The following MGA variants were observed in gnomAD, a reference collection of about 807,000 sequenced individuals.
MGA encodes MAX gene-associated protein.
A neutral mutation model predicts 261.1 loss-of-function variants in MGA; 40 were observed. That is an observed-to-expected ratio of 0.15 (90% CI 0.12 to 0.20). MGA has a LOEUF of 0.20. Ranked by LOEUF, MGA falls within the 10% of genes least tolerant of loss-of-function variation. The pLI is 1.00. For synonymous variants in MGA, 1,302 were observed against 1,290.6 expected, an observed-to-expected ratio of 1.01 and a Z score of -0.19; for missense variants, 3,397 against 3,630.5, an observed-to-expected ratio of 0.94 and a Z score of 1.65.
In MGA at chr15:41,723,757, A is replaced by G. The variant is rs143225568; in HGVS notation, c.3431-3423A>G. On this transcript the variant is annotated intron_variant, in intron 9 of 23. Transcript: ENST00000219905. ...TGTTGTTGTCCTTCCAATTTAAAAC[A>G]TGTCATAAACAGAACTGAACTCTAC... is the stretch of plus-strand genomic sequence containing the variant. 3.3e-5 allele frequency among the ~76,000 whole-genome samples: 5 copies of G among 152,268 alleles called. No homozygotes were observed. The East Asian group carries it at 9.6e-4, about 29-fold the overall frequency.
intron 1 of MGA, among the ~76,000 whole-genome samples, chr15:41,629,559 T>C (rs540352032): frequency 3.3e-5 from 5 of 151,932 alleles, no homozygotes; most frequent in African/African-American, 1.2e-4. Flanking sequence ...TGAGACCTTG[T>C]CTCTATAAAG....
intron 15 of MGA, among the ~76,000 whole-genome samples, chr15:41,744,212 A>ATT (rs990321818): frequency 4.1e-4 from 62 of 151,566 alleles, no homozygotes; most frequent in African/African-American, 1.4e-3. Flanking sequence ...ATATATATAT[A>ATT]TATTTTTTTG....
intron 2 of MGA, among the ~76,000 whole-genome samples, chr15:41,693,162 T>A (rs901561012): frequency 2.6e-5 from 4 of 152,060 alleles, no homozygotes; most frequent in South Asian, 2.1e-4. Context: ...TTTTCTTTTT[T>A]TTATTATTAT....
intron 17 of MGA, chr15:41,751,385 ATTG>A (rs2062822987): frequency 6.6e-6 from 1 of 152,152 alleles, no homozygotes; most frequent in Non-Finnish European, 1.5e-5. Context: ...GTTGCGACTA[ATTG>A]ACTGCTGTTG....
In MGA at chr15:41,669,398, T is replaced by C. The variant is rs1318715628; in HGVS notation, c.504T>C (p.Tyr168=). The change falls in exon 2 of 24, where the codon TAT becomes TAC. Residue 168 remains tyrosine, a synonymous_variant. Transcript: ENST00000219905. ...CAGAATCTCCTTCCACAGGTCATTATTGGATGCATCAACCAGTATCTTTCT... is the reference window on the plus strand; with the variant it reads ...CAGAATCTCCTTCCACAGGTCATTACTGGATGCATCAACCAGTATCTTTCT... 2 of 1,613,902 alleles carry C rather than the reference T, an allele frequency of 1.2e-6. No homozygotes were observed. Among genetic ancestry groups the C allele is most frequent in the Non-Finnish European group, 1.7e-6 (2 of 1,179,900 alleles).
At chr15:41,682,080 G>A (rs569876359) in intron 2 of MGA, among the ~76,000 whole-genome samples, 70 of 152,130 alleles carry the variant, frequency 4.6e-4, no homozygotes, top group Middle Eastern at 3.4e-3. Flanking sequence ...ACCATGCCCG[G>A]CTAATTTTGT....
At chr15:41,663,026 GA>G (rs1267266707) in intron 1 of MGA, among the ~76,000 whole-genome samples, 8 of 152,164 alleles carry the variant, frequency 5.3e-5, no homozygotes, top group African/African-American at 1.9e-4. Context: ...ATTGAATTAG[GA>G]AACTATCTAG....
At chr15:41,765,374 T>C (rs376830458) in intron 23 of MGA, among the ~76,000 whole-genome samples, 1 of 152,214 alleles carries the variant, frequency 6.6e-6, no homozygotes, top group South Asian at 2.1e-4. Flanking sequence ...TTGATAAATA[T>C]TTGTCACTTT....
intron 2 of MGA, chr15:41,691,630 A>C (rs1264506674): frequency 1.9e-6 from 1 of 519,056 alleles, no homozygotes; most frequent in African/African-American, 1.9e-5. Context: ...ATTTTTATGC[A>C]ATCTGAATGA....
At chr15:41,718,286 A>ATGTGTGTGT (rs1555424370) in intron 9 of MGA, 82 of 209,538 alleles carry the variant, frequency 3.9e-4, no homozygotes, top group African/African-American at 1.9e-3. Flanking sequence ...GTGTATATGT[A>ATGTGTGTGT]GTGTGTGTGT....
intron 1 of MGA, among the ~76,000 whole-genome samples, chr15:41,631,594 C>T (rs977117471): frequency 1.3e-5 from 2 of 152,148 alleles, no homozygotes. Context: ...CAGAGGCACA[C>T]TTTCTTTTTT....
rs61757234 is a variant in MGA, at chr15:41,749,525, A to G, written c.5918A>G (p.Gln1973Arg). ...TCCCTTCAGATGAAGAGAGAATCTCAGAATCCAGACCAGAAAGATGAAACA... is the reference window on the plus strand; with the variant it reads ...TCCCTTCAGATGAAGAGAGAATCTCGGAATCCAGACCAGAAAGATGAAACA... Residue 1973 changes from glutamine to arginine, a missense_variant, in exon 17 of 24, where the codon CAG becomes CGG. By Grantham distance (43) the Gln-to-Arg change is conservative (BLOSUM62 1). Transcript: ENST00000219905. 34,703 of 1,613,972 alleles carry G rather than the reference A, an allele frequency of 0.022. 759 individuals carry two copies. Among genetic ancestry groups the G allele is most frequent in the South Asian group, 0.079 (7,203 of 91,084 alleles).
intron 5 of MGA, among the ~76,000 whole-genome samples, chr15:41,703,765 T>TA (rs2059971976): frequency 6.6e-6 from 1 of 152,064 alleles, no homozygotes; most frequent in Non-Finnish European, 1.5e-5. Flanking sequence ...AAAATTCACT[T>TA]ATCAGTGTGG....
Position 41,749,574 on chromosome 15 carries a change from A to G in MGA, c.5967A>G (p.Glu1989=). 1 of 1,614,004 alleles carries G rather than the reference A, an allele frequency of 6.2e-7. No homozygotes were observed. Among genetic ancestry groups the G allele is most frequent in the Non-Finnish European group, 8.5e-7 (1 of 1,179,892 alleles). Residue 1989 remains glutamate (E), a synonymous_variant, in exon 17 of 24, where the codon GAA becomes GAG. Coordinates refer to ENST00000219905, the MANE Select transcript of MGA (RefSeq NM_001164273.2). ...CAAACTCAATAAAAAGAGAGCAAGA[A>G]ACGAAGAAGGTTCTACAGTCAGAAG...
chr15:41,745,627 C>G (rs2062418519), intron 15 of MGA, among the ~76,000 whole-genome samples: 1 of 151,992 alleles, frequency 6.6e-6, no homozygotes, highest in African/African-American at 2.4e-5. Context: ...GAGAGACAGA[C>G]AGGGTCTTGC....
rs527864732 is a variant in MGA, at chr15:41,742,410, T to C, written c.4586-136T>C. On this transcript the variant is annotated intron_variant, in intron 14 of 23. Coordinates refer to ENST00000219905, the MANE Select transcript of MGA (RefSeq NM_001164273.2). ...ATCTTAAAAAAGAAAAAAAAGAAAT[T>C]GGCACAAATAATACAGGTAGGTAGT... 1.1e-5 allele frequency: 12 copies of C among 1,071,852 alleles called. No individual in the cohort carries two copies. The South Asian group carries it at 1.6e-4, about 14-fold the overall frequency. 66.4% of individuals were successfully genotyped at this position (1,071,852 alleles called of 1,614,324 possible).
chr15:41,678,103 T>C (rs1485069825), intron 2 of MGA, among the ~76,000 whole-genome samples: 2 of 151,418 alleles, frequency 1.3e-5, no homozygotes, highest in Non-Finnish European at 3.0e-5. Context: ...TTTTTTTTTT[T>C]TTTTTGAGAC....
chr15:41,701,242 A>G (rs970828253), intron 5 of MGA, among the ~76,000 whole-genome samples: 2 of 150,058 alleles, frequency 1.3e-5, no homozygotes, highest in African/African-American at 4.9e-5. Context: ...TCCCTTTTCC[A>G]CTTCCATTTT....
At chr15:41,723,227 A>G (rs2061044312) in intron 9 of MGA, among the ~76,000 whole-genome samples, 1 of 152,040 alleles carries the variant, frequency 6.6e-6, no homozygotes, top group African/African-American at 2.4e-5. Flanking sequence ...TGTCATTATA[A>G]GGGGAAATAA....
Sources: allele counts gnomAD v4.1 joint callset (sites outside exome capture counted in the v4.1 genomes callset), GRCh38; gene constraint gnomAD v4.1.1; transcripts MANE v1.5; gene names NCBI Gene and HGNC (gene_info 2026-07-23, HGNC 2026-07-21).